The following NCAM2 variants were observed in gnomAD, a reference collection of about 807,000 sequenced individuals.
NCAM2 encodes N-CAM-2.
In NCAM2, 30 loss-of-function variants were observed where a neutral mutation model predicts 98.1. That is an observed-to-expected ratio of 0.31 (90% CI 0.23 to 0.41). The LOEUF is 0.41. NCAM2 is among the 10% of genes least tolerant of loss of function. NCAM2 has a pLI of 1.00. For synonymous variants in NCAM2, 368 were observed against 342.4 expected (o/e 1.07, Z -0.83); for missense variants, 867 against 1,005.8 (o/e 0.86, Z 1.87).
chr21:21,182,764 C>T (rs759912008), intron 1 of NCAM2, among the ~76,000 whole-genome samples: 2 of 152,084 alleles, frequency 1.3e-5, no homozygotes, highest in African/African-American at 2.4e-5. Context: ...CTAAAATATA[C>T]TGTGGTTATT....
intron 15 of NCAM2, among the ~76,000 whole-genome samples, chr21:21,481,067 G>A (rs1985839805): frequency 6.6e-6 from 1 of 152,214 alleles, no homozygotes; most frequent in Non-Finnish European, 1.5e-5. Flanking sequence ...GTTAACAGGT[G>A]AATGGTATGT....
chr21:21,308,397 T>C (rs538069106), intron 5 of NCAM2, among the ~76,000 whole-genome samples: 231 of 152,244 alleles, frequency 1.5e-3, no homozygotes, highest in Non-Finnish European at 2.8e-3. Flanking sequence ...GGATATAGAA[T>C]TCTAAATGAA....
intron 1 of NCAM2, among the ~76,000 whole-genome samples, chr21:21,189,447 C>T (rs2068747179): frequency 1.3e-5 from 2 of 152,182 alleles, no homozygotes; most frequent in Non-Finnish European, 1.5e-5. Flanking sequence ...CAAACTTGGC[C>T]AGATGTGTTG....
At chr21:21,433,742 CAATAAAATAAAATAA>C (rs71322060) in intron 12 of NCAM2, among the ~76,000 whole-genome samples, 6,675 of 105,134 alleles carry the variant, frequency 0.063, 226 homozygotes, top group Admixed American at 0.09. Context: ...GACTCCATCT[CAATAAAATAAAATAA>C]AATAAAATAA....
At chr21:21,036,097 G>T (rs895129254) in intron 1 of NCAM2, among the ~76,000 whole-genome samples, 1 of 152,120 alleles carries the variant, frequency 6.6e-6, no homozygotes, top group Admixed American at 6.6e-5. Context: ...AAGTTAGTTT[G>T]TAGTAAAAAG....
chr21:21,460,457 T>C, intron 12 of NCAM2, among the ~76,000 whole-genome samples: 1 of 151,944 alleles, frequency 6.6e-6, no homozygotes, highest in East Asian at 1.9e-4. Context: ...ACTTGAATAG[T>C]AGATTTTTCC....
intron 1 of NCAM2, among the ~76,000 whole-genome samples, chr21:21,119,357 G>A (rs1487197608): frequency 6.6e-6 from 1 of 152,044 alleles, no homozygotes; most frequent in African/African-American, 2.4e-5. Context: ...GGTGGTTATG[G>A]TAGTCATACA....
chr21:21,280,588 A>G lies in NCAM2; in HGVS notation c.66A>G (p.Gln22=). ...LLVSSGQALL[Q]VTISLSKVEL... Reference sequence around the variant, plus strand: ...CCAATTTTTTTTCAGCTCTTCTTCAAGTGACAATTTCACTTAGCAAAGTAG... The same window carrying G: ...CCAATTTTTTTTCAGCTCTTCTTCAGGTGACAATTTCACTTAGCAAAGTAG... Residue 22 remains glutamine (Q), a synonymous_variant, in exon 2 of 18, where the codon CAA becomes CAG. Transcript: ENST00000400546. 6.3e-7 allele frequency: 1 copy of G among 1,595,600 alleles called. No individual in the cohort carries two copies. Among genetic ancestry groups the G allele is most frequent in the Non-Finnish European group, 8.5e-7 (1 of 1,172,506 alleles).
chr21:21,332,074 T>A (rs2074726459), intron 6 of NCAM2, among the ~76,000 whole-genome samples: 1 of 151,692 alleles, frequency 6.6e-6, no homozygotes, highest in Non-Finnish European at 1.5e-5. Context: ...AGCTAATTAT[T>A]TTGTACTTTT....
At chr21:21,458,361 G>T (rs1417423194) in intron 12 of NCAM2, among the ~76,000 whole-genome samples, 1 of 152,224 alleles carries the variant, frequency 6.6e-6, no homozygotes, top group Admixed American at 6.5e-5. Flanking sequence ...TCAGAGGAAG[G>T]GCCTCTTAGC....
At chr21:21,351,188 A>G (rs2075330807) in intron 8 of NCAM2, among the ~76,000 whole-genome samples, 1 of 149,386 alleles carries the variant, frequency 6.7e-6, no homozygotes, top group South Asian at 2.1e-4. Flanking sequence ...ATTTTTCTCT[A>G]TTTTATTGAG....
chr21:21,311,163 G>T (rs568605376), intron 5 of NCAM2, among the ~76,000 whole-genome samples: 3 of 152,186 alleles, frequency 2.0e-5, no homozygotes, highest in Admixed American at 2.0e-4. Context: ...CTTTATATTA[G>T]TTTTAAAAGA....
At chr21:21,275,204 G>T (rs2072679696) in intron 1 of NCAM2, among the ~76,000 whole-genome samples, 1 of 152,004 alleles carries the variant, frequency 6.6e-6, no homozygotes. Context: ...ACTTTGGGAG[G>T]CCGAGGCGGG....
intron 6 of NCAM2, among the ~76,000 whole-genome samples, chr21:21,327,157 G>A (rs1245255159): frequency 6.6e-6 from 1 of 151,972 alleles, no homozygotes; most frequent in Non-Finnish European, 1.5e-5. Context: ...CCAACATGGT[G>A]AAATCCCATG....
At chr21:21,178,580 C>T (rs1192578751) in intron 1 of NCAM2, among the ~76,000 whole-genome samples, 1 of 151,946 alleles carries the variant, frequency 6.6e-6, no homozygotes, top group African/African-American at 2.4e-5. Context: ...ATGAGCCAGA[C>T]ACTGAGGTGG....
chr21:21,456,217 C>G (rs1015483108), intron 12 of NCAM2, among the ~76,000 whole-genome samples: 7 of 152,074 alleles, frequency 4.6e-5, no homozygotes, highest in Non-Finnish European at 8.8e-5. Flanking sequence ...AGGTTGATTT[C>G]ATAGTTTAAG....
At chr21:21,072,073 T>C (rs1372031928) in intron 1 of NCAM2, among the ~76,000 whole-genome samples, 8 of 152,122 alleles carry the variant, frequency 5.3e-5, no homozygotes, top group Non-Finnish European at 7.4e-5. Flanking sequence ...CCACCACGCC[T>C]GGCTAATTTT....
intron 14 of NCAM2, among the ~76,000 whole-genome samples, chr21:21,476,267 T>G (rs1026653973): frequency 1.3e-5 from 2 of 152,122 alleles, no homozygotes; most frequent in Non-Finnish European, 2.9e-5. Context: ...ATTAGATACA[T>G]GATTTCAGAG....
Position 20,998,512 on chromosome 21 carries a change from C to T in NCAM2, c.-52C>T. The stretch of plus-strand genomic sequence containing the variant: ...CCGGGGCAGCGAAAGGTTCTCTCTC[C>T]AGGGCTGGACTTAATAACTTTGAAA... On this transcript the variant is annotated 5_prime_UTR_variant, in exon 1 of 18. Coordinates refer to ENST00000400546, the MANE Select transcript of NCAM2 (RefSeq NM_004540.5). 2 of 1,589,188 alleles carry T rather than the reference C, an allele frequency of 1.3e-6. No individual in the cohort carries two copies. The highest frequency in any genetic ancestry group is 1.3e-5 in the African/African-American group (1 of 74,396).
Sources: allele counts gnomAD v4.1 joint callset (sites outside exome capture counted in the v4.1 genomes callset), GRCh38; gene constraint gnomAD v4.1.1; transcripts MANE v1.5; gene names NCBI Gene and HGNC (gene_info 2026-07-23, HGNC 2026-07-21).